The following ZSWIM4 variants were observed in gnomAD, a reference collection of about 807,000 sequenced individuals.
ZSWIM4 encodes zinc finger SWIM domain-containing protein 4.
Under a neutral mutation model 102.5 loss-of-function variants are expected in ZSWIM4, and 62 were observed. That is an observed-to-expected ratio of 0.60 (90% CI 0.49 to 0.75). The LOEUF is 0.75. Among genes scored for constraint, ZSWIM4 ranks in the 30% least tolerant of loss-of-function variants. ZSWIM4 has a pLI of 0.00. For missense variants in ZSWIM4, 1,280 were observed against 1,529.6 expected (o/e 0.84, Z 2.72); for synonymous variants, 652 against 674.5 (o/e 0.97, Z 0.52).
intron 1 of ZSWIM4, among the ~76,000 whole-genome samples, chr19:13,796,149 C>A (rs1599573243): frequency 6.6e-6 from 1 of 150,678 alleles, no homozygotes; most frequent in East Asian, 2.0e-4. Flanking sequence ...CCCGCCTTAT[C>A]CCCCAACGGT....
chr19:13,808,788 C>T, intron 3 of ZSWIM4, 48 bp from the exon 4 acceptor site: 1 of 1,518,272 alleles, frequency 6.6e-7, no homozygotes, highest in Non-Finnish European at 8.9e-7. Context: ...CCCAACCCAA[C>T]CCCAACTCCA....
In ZSWIM4 at chr19:13,830,490, C is replaced by T; in HGVS notation, c.2761C>T (p.His921Tyr). The change falls in exon 14 of 14, where the codon CAC becomes TAC. Residue 921 changes from histidine (H) to tyrosine (Y), a missense_variant. By Grantham distance (83) the His-to-Tyr change is moderately conservative (BLOSUM62 2). Coordinates refer to ENST00000590508, the MANE Select transcript of ZSWIM4 (RefSeq NM_001367834.3). ...DAAAGGLGHA[H>Y]LFTVARYMEH... The stretch of plus-strand genomic sequence containing the variant: ...GGCGGCCGGCGGCCTGGGCCACGCC[C>T]ACCTCTTCACTGTGGCCCGCTATAT... 1.2e-6 allele frequency: 2 copies of T among 1,601,114 alleles called. No individual in the cohort carries two copies. The highest frequency in any genetic ancestry group is 1.1e-5 in the South Asian group (1 of 91,018).
rs150069367 is a variant in ZSWIM4 at position 13,801,821 on chromosome 19, G to A, written c.355+1900G>A. ...CTAGTAGCTGGGACTACAGGCACCC[G>A]CTATCATGCCTGGCTAATTTTTGTA... is the stretch of plus-strand genomic sequence containing the variant. On this transcript the variant is annotated intron_variant, in intron 2 of 13. Coordinates refer to ENST00000590508, the MANE Select transcript of ZSWIM4 (RefSeq NM_001367834.3). Among the ~76,000 whole-genome samples the A allele has an allele frequency of 8.6e-3, 1,306 of 151,442 alleles. 22 individuals are homozygous for A. Among genetic ancestry groups the A allele is most frequent in the African/African-American group, 0.03 (1,232 of 41,206 alleles).
chr19:13,825,800 A>G lies in ZSWIM4; in HGVS notation c.2379+87A>G. 1 of 1,473,760 alleles carries G rather than the reference A, an allele frequency of 6.8e-7. No homozygotes were observed. Among genetic ancestry groups the G allele is most frequent in the Non-Finnish European group, 9.0e-7 (1 of 1,110,370 alleles). The allele number at this position is 1,473,760 out of a possible 1,614,324, so 91.3% of individuals were successfully genotyped here. On this transcript the variant is annotated intron_variant, in intron 12 of 13. Transcript: ENST00000590508. The surrounding 1 kb of genome is among the most constrained non-coding windows in gnomAD (Gnocchi z 4.6). ...GCTGCGCCTCCCGGGGCATGGGCTGAGTGTGAGCCACTTCGCTGGGGGCCC... is the reference window on the plus strand; with the variant it reads ...GCTGCGCCTCCCGGGGCATGGGCTGGGTGTGAGCCACTTCGCTGGGGGCCC...
intron 5 of ZSWIM4, 53 bp from the exon 6 acceptor site, chr19:13,812,944 T>A: frequency 6.5e-7 from 1 of 1,547,510 alleles, no homozygotes; most frequent in Non-Finnish European, 8.8e-7. Context: ...TGCGGAAGTG[T>A]GTGTTGCTGC....
At chr19:13,819,154 G>T (rs1489242563) in intron 9 of ZSWIM4, among the ~76,000 whole-genome samples, 1 of 152,120 alleles carries the variant, frequency 6.6e-6, no homozygotes, top group African/African-American at 2.4e-5. Flanking sequence ...GTGAGCCACC[G>T]CGCCAGGCCT....
chr19:13,804,618 G>T (rs1460648880), intron 2 of ZSWIM4, among the ~76,000 whole-genome samples, 174 bp from the exon 3 acceptor site: 1 of 151,928 alleles, frequency 6.6e-6, no homozygotes, highest in Admixed American at 6.6e-5. Flanking sequence ...CTACACTCCA[G>T]CCTGGGCCAC....
Position 13,828,645 on chromosome 19 carries a change from G to A in ZSWIM4, c.2380G>A (p.Val794Met). 1.9e-6 allele frequency: 3 copies of A among 1,614,074 alleles called. No individual in the cohort carries two copies. The highest frequency in any genetic ancestry group is 1.6e-4 in the Middle Eastern group (1 of 6,062). The change falls in exon 13 of 14, where the codon GTG becomes ATG. Residue 794 changes from valine (V) to methionine (M), a missense_variant and splice_region_variant. By Grantham distance (21) the Val-to-Met change is conservative. Coordinates refer to ENST00000590508, the MANE Select transcript of ZSWIM4 (RefSeq NM_001367834.3). ...LGIALELGLQ[V>M]MRMTLNVMTW... Reference sequence around the variant, plus strand: ...CCTTCTCCCCACCCCTACCTTGCAGGTGATGCGGATGACTCTGAACGTAAT... The same window carrying A: ...CCTTCTCCCCACCCCTACCTTGCAGATGATGCGGATGACTCTGAACGTAAT...
Position 13,814,813 on chromosome 19 carries a change from A to G in ZSWIM4, c.1479A>G (p.Thr493=). Residue 493 remains threonine (T), a synonymous_variant, in exon 7 of 14, where the codon ACA becomes ACG. Coordinates refer to ENST00000590508, the MANE Select transcript of ZSWIM4 (RefSeq NM_001367834.3). ...ALRLASAIIN[T]LRLQQRHQLE... ...GGCTGGCAAGTGCCATCATCAACAC[A>G]CTCCGGCTGCAGCAGCGGCATCAGC... 1.6e-6 allele frequency: 2 copies of G among 1,275,242 alleles called. No homozygotes were observed. Among genetic ancestry groups the G allele is most frequent in the Non-Finnish European group, 2.0e-6 (2 of 978,058 alleles). 79.0% of individuals were successfully genotyped at this position (1,275,242 alleles called of 1,614,324 possible).
chr19:13,799,049 A>T (rs1431847779), intron 1 of ZSWIM4, among the ~76,000 whole-genome samples: 1 of 152,018 alleles, frequency 6.6e-6, no homozygotes. Context: ...TTGGCCTCCC[A>T]AAATGCTAGA....
At chr19:13,805,806 T>C (rs1974903511) in intron 3 of ZSWIM4, among the ~76,000 whole-genome samples, 1 of 151,554 alleles carries the variant, frequency 6.6e-6, no homozygotes, top group South Asian at 2.1e-4. Context: ...ACCCCATCTC[T>C]ACCAAAATAT....
Position 13,799,890 on chromosome 19 carries a change from G to T in ZSWIM4, c.324G>T (p.Gln108His), listed in dbSNP as rs1194210797. ...TTACCCGCGGGCTGCACCTGCTCCA[G>T]AGCGGGGCCGTGGACCGCGTGTTGC... The part of the protein sequence containing the change: ...VPFTRGLHLL[Q>H]SGAVDRVLQV... Residue 108 changes from glutamine to histidine, a missense_variant, in exon 2 of 14, where the codon CAG becomes CAT. Coordinates refer to ENST00000590508, the MANE Select transcript of ZSWIM4 (RefSeq NM_001367834.3). 6.2e-6 allele frequency: 10 copies of T among 1,612,606 alleles called. No homozygotes were observed. Among genetic ancestry groups the T allele is most frequent in the Non-Finnish European group, 8.5e-6 (10 of 1,179,964 alleles).
intron 3 of ZSWIM4, among the ~76,000 whole-genome samples, chr19:13,805,939 C>T (rs1331197149): frequency 6.7e-6 from 1 of 149,786 alleles, no homozygotes; most frequent in Non-Finnish European, 1.5e-5. Context: ...CCATTGCACT[C>T]CAGCCTGGGA....
In ZSWIM4 at chr19:13,830,529, C is replaced by G; in HGVS notation, c.2800C>G (p.Leu934Val). 1 of 1,599,478 alleles carries G rather than the reference C, an allele frequency of 6.3e-7. No homozygotes were observed. Among genetic ancestry groups the G allele is most frequent in the Non-Finnish European group, 8.5e-7 (1 of 1,179,376 alleles). The stretch of plus-strand genomic sequence containing the variant: ...GGCCCGCTATATGGAGCACCGCGGG[C>G]TGCCGCTCCGGGCCTACAAGCTGGC... ...TVARYMEHRGLPLRAYKLATL... is the reference protein window; with the variant it reads ...TVARYMEHRGVPLRAYKLATL... Residue 934 changes from leucine (L) to valine (V), a missense_variant, in exon 14 of 14, where the codon CTG becomes GTG. By Grantham distance (32) the Leu-to-Val change is conservative (BLOSUM62 1). Coordinates refer to ENST00000590508, the MANE Select transcript of ZSWIM4 (RefSeq NM_001367834.3).
At chr19:13,800,367 G>C (rs182818993) in intron 2 of ZSWIM4, among the ~76,000 whole-genome samples, 2,636 of 135,216 alleles carry the variant, frequency 0.019, 76 homozygotes, top group African/African-American at 0.067. Context: ...CCGGGTTCAC[G>C]CCATTCTCCT....
chr19:13,819,637 A>G (rs1262979311), intron 10 of ZSWIM4, 145 bp downstream of exon 10: 2 of 662,530 alleles, frequency 3.0e-6, no homozygotes, highest in Non-Finnish European at 4.3e-6. Context: ...TGATGATGCC[A>G]TGTGCTTTTC....
chr19:13,820,424 C>A (rs779388750), intron 10 of ZSWIM4, among the ~76,000 whole-genome samples: 1 of 152,082 alleles, frequency 6.6e-6, no homozygotes, highest in African/African-American at 2.4e-5. Flanking sequence ...TTTGTAGAGA[C>A]GGGGTTTCAC....
At chr19:13,812,297 G>GT (rs1975118898) in intron 5 of ZSWIM4, among the ~76,000 whole-genome samples, 1 of 151,776 alleles carries the variant, frequency 6.6e-6, no homozygotes, top group African/African-American at 2.4e-5. Flanking sequence ...TTTTGTTTTT[G>GT]TTTTGTTTTG....
chr19:13,804,933 C>T lies in ZSWIM4; in HGVS notation c.497C>T (p.Ala166Val). Reference sequence around the variant, plus strand: ...GACAACCGCGACCTCTTCTACTGTGCCCACGTGGTGGCCCTGTCCCTGTAC... The same window carrying T: ...GACAACCGCGACCTCTTCTACTGTGTCCACGTGGTGGCCCTGTCCCTGTAC... ...GCDNRDLFYCAHVVALSLYRI... is the reference protein window; with the variant it reads ...GCDNRDLFYCVHVVALSLYRI... Residue 166 changes from alanine (A) to valine (V), a missense_variant, in exon 3 of 14, where the codon GCC becomes GTC. Physicochemically the swap from Ala to Val is moderately conservative, Grantham distance 64. Transcript: ENST00000590508. 1 of 1,613,518 alleles carries T rather than the reference C, an allele frequency of 6.2e-7. No individual in the cohort carries two copies. Among genetic ancestry groups the T allele is most frequent in the Non-Finnish European group, 8.5e-7 (1 of 1,180,028 alleles).
Sources: gnomAD v4.1 joint callset for allele counts (sites outside exome capture counted in the v4.1 genomes callset) on GRCh38, gnomAD v4.1.1 for gene constraint, Gnocchi (gnomAD v3.1) non-coding constraint, MANE v1.5 for transcripts, NCBI Gene and HGNC (gene_info 2026-07-23, HGNC 2026-07-21) for gene names.